Variants in TRAPPC9 observed in about 807,000 individuals in gnomAD.
The protein encoded by TRAPPC9 is trafficking protein particle complex subunit 9.
Under a neutral mutation model 124.0 loss-of-function variants are expected in TRAPPC9, and 83 were observed. The ratio of observed to expected loss-of-function variants is 0.67; its 90% CI spans 0.56 to 0.80. TRAPPC9 has a LOEUF of 0.80. Among genes scored for constraint, TRAPPC9 ranks in the 30% least tolerant of loss-of-function variants. The pLI is 0.00. For missense variants in TRAPPC9, 1,302 were observed against 1,508.3 expected (o/e 0.86, Z 2.27); for synonymous variants, 638 against 617.5 (o/e 1.03, Z -0.49).
chr8:139,987,811 C>T (rs926329232), intron 19 of TRAPPC9, among the ~76,000 whole-genome samples: 54 of 152,302 alleles, frequency 3.5e-4, no homozygotes, highest in African/African-American at 1.3e-3. Context: ...AGGACAGCAT[C>T]ACCCCGGAGT....
At chr8:140,273,401 G>T (rs1231131269) in intron 15 of TRAPPC9, among the ~76,000 whole-genome samples, 1 of 152,202 alleles carries the variant, frequency 6.6e-6, no homozygotes, top group Non-Finnish European at 1.5e-5. Flanking sequence ...GGAGGGACCT[G>T]GCCACCGACA....
At chr8:140,418,771 T>TAGATAGATAGACAGAC (rs779953213) in intron 5 of TRAPPC9, among the ~76,000 whole-genome samples, 20 of 131,266 alleles carry the variant, frequency 1.5e-4, no homozygotes, top group Middle Eastern at 3.7e-3. Flanking sequence ...GATAGATAGA[T>TAGATAGATAGACAGAC]AGACAGACAG....
At chr8:140,093,252 C>T (rs1370939647) in intron 17 of TRAPPC9, among the ~76,000 whole-genome samples, 1 of 152,200 alleles carries the variant, frequency 6.6e-6, no homozygotes, top group African/African-American at 2.4e-5. Context: ...CAGGAAGTTG[C>T]TACGGGGTCC....
chr8:140,313,156 C>G (rs895804690), intron 9 of TRAPPC9, among the ~76,000 whole-genome samples: 15 of 152,174 alleles, frequency 9.9e-5, no homozygotes, highest in African/African-American at 3.6e-4. Context: ...ATGAAAAAAG[C>G]CTTTAAATAA....
intron 21 of TRAPPC9, among the ~76,000 whole-genome samples, chr8:139,852,370 G>GTTAT (rs1324207977): frequency 1.3e-5 from 2 of 152,194 alleles, no homozygotes; most frequent in Non-Finnish European, 2.9e-5. Flanking sequence ...GTGCGCCCAT[G>GTTAT]TTATTTCTGG....
chr8:140,157,074 A>AG (rs2061655304), intron 17 of TRAPPC9, among the ~76,000 whole-genome samples: 1 of 105,884 alleles, frequency 9.4e-6, no homozygotes, highest in Non-Finnish European at 1.9e-5. Flanking sequence ...CTTTCCATTC[A>AG]AAAGCCTCCC....
intron 19 of TRAPPC9, among the ~76,000 whole-genome samples, chr8:139,967,913 C>T (rs181151143): frequency 0.019 from 2,844 of 151,976 alleles, 84 homozygotes; most frequent in African/African-American, 0.065. Context: ...CCGAGGCGGG[C>T]GGACTGCCTG....
chr8:139,752,763 TATCC>T (rs982283968), intron 21 of TRAPPC9, among the ~76,000 whole-genome samples: 14 of 148,502 alleles, frequency 9.4e-5, no homozygotes, highest in Admixed American at 9.4e-4. Flanking sequence ...TCCATCTATA[TATCC>T]ATCCATCCAT....
chr8:139,778,668 C>A (rs1194499288), intron 21 of TRAPPC9, among the ~76,000 whole-genome samples: 1 of 151,968 alleles, frequency 6.6e-6, no homozygotes, highest in Non-Finnish European at 1.5e-5. Flanking sequence ...CAGATTAGAC[C>A]TTGCAGAATT....
intron 21 of TRAPPC9, among the ~76,000 whole-genome samples, chr8:139,770,071 G>T (rs1417172007): frequency 1.3e-5 from 2 of 152,230 alleles, no homozygotes; most frequent in Non-Finnish European, 2.9e-5. Context: ...GAAGACCCTG[G>T]CCACCCTGGG....
chr8:140,174,344 A>G (rs1304930580), intron 17 of TRAPPC9, among the ~76,000 whole-genome samples: 3 of 152,066 alleles, frequency 2.0e-5, no homozygotes, highest in Non-Finnish European at 4.4e-5. Flanking sequence ...CCTGTGTAAC[A>G]AACCTGCACA....
Position 139,975,981 on chromosome 8 carries a change from C to A in TRAPPC9, c.2810+12745G>T, listed in dbSNP as rs537645223. ...GGAGTCTCACTGCAGGCTTCACCCC[C>A]CCGGGGTTCACGCCATTCTCCTGCC... On this transcript the variant is annotated intron_variant, in intron 19 of 22. Coordinates refer to ENST00000438773, the MANE Select transcript of TRAPPC9 (RefSeq NM_001160372.4). Among the ~76,000 whole-genome samples the A allele has an allele frequency of 2.0e-5, 3 of 150,052 alleles. No homozygotes were observed. The South Asian group carries it at 6.4e-4, about 32-fold the overall frequency.
intron 10 of TRAPPC9, among the ~76,000 whole-genome samples, chr8:140,302,052 A>G (rs372549310): frequency 2.0e-5 from 3 of 152,208 alleles, no homozygotes; most frequent in African/African-American, 7.2e-5. Flanking sequence ...GCATAATAAC[A>G]ACTGCCTTAC....
At chr8:140,410,218 G>A (rs1313144684) in intron 5 of TRAPPC9, among the ~76,000 whole-genome samples, 1 of 145,370 alleles carries the variant, frequency 6.9e-6, no homozygotes, top group Non-Finnish European at 1.5e-5. Flanking sequence ...ATATAGTTTT[G>A]ATTTTTGGAA....
intron 17 of TRAPPC9, among the ~76,000 whole-genome samples, chr8:140,123,616 T>C (rs2061028209): frequency 1.3e-5 from 2 of 152,358 alleles, no homozygotes; most frequent in South Asian, 4.1e-4. Flanking sequence ...CCTTATTTAT[T>C]CCATCATGCC....
rs1438568680 is a variant in TRAPPC9 at position 140,216,682 on chromosome 8, C to G, written c.2556+4777G>C. ...CCTGCAGCAGCATGCCATACACACA[C>G]AGACTTCAGGGGCCTCTGCACCTGC... On this transcript the variant is annotated intron_variant, in intron 17 of 22. Transcript: ENST00000438773. This position sits in a 1 kb window ranked among gnomAD's most constrained non-coding sequence, Gnocchi z 4.1. 6.6e-6 allele frequency among the ~76,000 whole-genome samples: 1 copy of G among 152,194 alleles called. No homozygotes were observed. Among genetic ancestry groups the G allele is most frequent in the African/African-American group, 2.4e-5 (1 of 41,434 alleles).
chr8:140,054,129 CACAG>C (rs1282807160), intron 17 of TRAPPC9, among the ~76,000 whole-genome samples: 2 of 152,270 alleles, frequency 1.3e-5, no homozygotes, highest in East Asian at 3.9e-4. Context: ...AATGGCTACA[CACAG>C]ACATAAAGAT....
chr8:140,347,494 G>C (rs1766593513), intron 9 of TRAPPC9, among the ~76,000 whole-genome samples: 5 of 152,156 alleles, frequency 3.3e-5, no homozygotes, highest in South Asian at 4.1e-4. Context: ...TCATCCTTCA[G>C]CCCTGTCCTC....
chr8:140,050,071 G>A (rs1841888567), intron 17 of TRAPPC9, among the ~76,000 whole-genome samples: 1 of 152,222 alleles, frequency 6.6e-6, no homozygotes, highest in South Asian at 2.1e-4. Context: ...CTAAGCCACT[G>A]AGTGTACAAG....
Sources: gnomAD v4.1 joint callset for allele counts (sites outside exome capture counted in the v4.1 genomes callset) on GRCh38, gnomAD v4.1.1 for gene constraint, Gnocchi (gnomAD v3.1) non-coding constraint, MANE v1.5 for transcripts, NCBI Gene and HGNC (gene_info 2026-07-23, HGNC 2026-07-21) for gene names.